Variants in ZDHHC11 observed in about 807,000 individuals in gnomAD.
ZDHHC11 encodes zDHHC palmitoyltransferase 11.
Under a neutral mutation model 51.3 loss-of-function variants are expected in ZDHHC11, and 44 were observed. The observed-to-expected ratio is 0.86, with a 90% CI of 0.67 to 1.10. ZDHHC11 has a LOEUF of 1.10. ZDHHC11 is among the 50% of genes least tolerant of loss of function. The pLI is 0.00. For synonymous variants in ZDHHC11, 163 were observed against 222.0 expected (o/e 0.73, Z 2.36); for missense variants, 400 against 537.7 (o/e 0.74, Z 2.53).
chr5:852,868 AGC>A (rs1747471375), upstream of ZDHHC11, among the ~76,000 whole-genome samples: 1 of 120,458 alleles, frequency 8.3e-6, no homozygotes, highest in Non-Finnish European at 1.7e-5. Flanking sequence ...GACAGCGAGC[AGC>A]GGGGACAGAC....
intron 11 of ZDHHC11, among the ~76,000 whole-genome samples, chr5:807,450 G>C (rs1413650953): frequency 6.6e-6 from 1 of 151,502 alleles, no homozygotes; most frequent in Non-Finnish European, 1.5e-5. Context: ...CTCTGCTTTT[G>C]TTGTTGGTGC....
chr5:836,999 A>G (rs1332086603), intron 6 of ZDHHC11, among the ~76,000 whole-genome samples: 3 of 151,484 alleles, frequency 2.0e-5, no homozygotes, highest in East Asian at 1.9e-4. Context: ...GGAGGCTACA[A>G]TGAGCTGAGA....
intron 4 of ZDHHC11, chr5:840,898 C>CG (rs1561283245): frequency 7.0e-7 from 1 of 1,423,064 alleles, no homozygotes; most frequent in Admixed American, 2.8e-5. Flanking sequence ...CACTAAGTGC[C>CG]GGGGTCACAG....
chr5:835,841 AG>A (rs1743759203), intron 6 of ZDHHC11, among the ~76,000 whole-genome samples: 1 of 151,826 alleles, frequency 6.6e-6, no homozygotes, highest in East Asian at 1.9e-4. Context: ...TTTTTTTATT[AG>A]ACTATGAAAG....
chr5:798,170 C>T (rs1388979740), intron 12 of ZDHHC11, among the ~76,000 whole-genome samples: 14 of 150,736 alleles, frequency 9.3e-5, no homozygotes, highest in African/African-American at 3.2e-4. Flanking sequence ...TACTGATTGG[C>T]TTGCCATTTT....
At chr5:846,602 C>A (rs1483640055) in intron 3 of ZDHHC11, among the ~76,000 whole-genome samples, 2 of 149,120 alleles carry the variant, frequency 1.3e-5, no homozygotes, top group African/African-American at 5.0e-5. Context: ...TGCACCTCCA[C>A]CATCCTCAGT....
intron 8 of ZDHHC11, chr5:824,160 CA>C: frequency 2.2e-6 from 1 of 446,124 alleles, no homozygotes. Flanking sequence ...AAAACCTGCT[CA>C]AAAGGACCAG....
chr5:806,642 G>T (rs1200539965), intron 11 of ZDHHC11, among the ~76,000 whole-genome samples: 1 of 151,198 alleles, frequency 6.6e-6, no homozygotes, highest in African/African-American at 2.4e-5. Context: ...ACTGACAAAA[G>T]GTTTGTATAA....
intron 5 of ZDHHC11, among the ~76,000 whole-genome samples, 181 bp from the exon 6 acceptor site, chr5:837,661 T>G (rs446967): frequency 0.13 from 20,071 of 150,570 alleles, 2,305 homozygotes; most frequent in African/African-American, 0.34. Context: ...GTGGGCCCAG[T>G]TCTGCAGCTA....
At chr5:849,347 A>C (rs1746789507) in intron 1 of ZDHHC11, among the ~76,000 whole-genome samples, 2 of 152,148 alleles carry the variant, frequency 1.3e-5, no homozygotes, top group Admixed American at 1.3e-4. Context: ...GGGACAGAGC[A>C]GGGCCACAGG....
At chr5:846,161 G>A (rs1746123553) in intron 3 of ZDHHC11, among the ~76,000 whole-genome samples, 1 of 150,742 alleles carries the variant, frequency 6.6e-6, no homozygotes, top group African/African-American at 2.5e-5. Context: ...TGGACTCGCT[G>A]TGCGGTCATG....
intron 5 of ZDHHC11, chr5:840,218 C>T (rs1197198137): frequency 2.8e-5 from 20 of 703,440 alleles, no homozygotes; most frequent in Non-Finnish European, 5.2e-5. Context: ...ACTTCAAGCA[C>T]CTGGCACCAC....
intron 5 of ZDHHC11, chr5:840,282 T>C (rs1177435753): frequency 4.9e-6 from 4 of 816,622 alleles, no homozygotes; most frequent in East Asian, 5.3e-5. Flanking sequence ...TGGGTCCTCA[T>C]GGATTTAATT....
chr5:838,057 C>T lies in ZDHHC11; in HGVS notation c.785-577G>A, dbSNP rs1038779989. ...CTGGGACCACACACTCCTGAGCGTG[C>T]TGAGAGCCCCAGGCCCAGGAGGTGA... On this transcript the variant is annotated intron_variant, in intron 5 of 12. Coordinates refer to ENST00000283441, the MANE Select transcript of ZDHHC11 (RefSeq NM_024786.3). Among the ~76,000 whole-genome samples, 25 of 151,860 alleles carry T rather than the reference C, an allele frequency of 1.6e-4. 1 individual carries two copies. Among genetic ancestry groups the T allele is most frequent in the Non-Finnish European group, 3.1e-4 (21 of 67,810 alleles).
intron 6 of ZDHHC11, among the ~76,000 whole-genome samples, chr5:834,544 C>T (rs1579695497): frequency 6.6e-6 from 1 of 152,064 alleles, no homozygotes; most frequent in East Asian, 1.9e-4. Context: ...TACAATTGCA[C>T]TTTGAAAGCT....
chr5:800,457 T>C (rs11950445), intron 12 of ZDHHC11, among the ~76,000 whole-genome samples: 30,271 of 149,352 alleles, frequency 0.2, 4,247 homozygotes, highest in African/African-American at 0.41. Context: ...TCATGTCTCA[T>C]GTTTCTTAGC....
At chr5:842,927 A>G (rs1296862379) in intron 4 of ZDHHC11, among the ~76,000 whole-genome samples, 1 of 152,182 alleles carries the variant, frequency 6.6e-6, no homozygotes, top group African/African-American at 2.4e-5. Flanking sequence ...TTTCTCTTAC[A>G]AGCACACTCG....
intron 11 of ZDHHC11, among the ~76,000 whole-genome samples, chr5:804,821 T>C (rs566960528): frequency 6.6e-6 from 1 of 151,342 alleles, no homozygotes; most frequent in Non-Finnish European, 1.5e-5. Context: ...TTGAGGGAAT[T>C]CATTATCAGC....
At chr5:814,558 T>G (rs1414243496) in intron 11 of ZDHHC11, among the ~76,000 whole-genome samples, 26 of 151,570 alleles carry the variant, frequency 1.7e-4, no homozygotes, top group African/African-American at 6.3e-4. Context: ...ATGTTAGTTA[T>G]AAAGAATTCT....
Sources: allele counts gnomAD v4.1 joint callset (sites outside exome capture counted in the v4.1 genomes callset), GRCh38; gene constraint gnomAD v4.1.1; transcripts MANE v1.5; gene names NCBI Gene and HGNC (gene_info 2026-07-23, HGNC 2026-07-21).